Variants in DNAAF9 observed in about 807,000 individuals in gnomAD.
DNAAF9 encodes dynein axonemal assembly factor 9, also known as shulin.
A neutral mutation model predicts 167.0 loss-of-function variants in DNAAF9; 90 were observed. The observed-to-expected ratio is 0.54, with a 90% CI of 0.45 to 0.64. DNAAF9 has a LOEUF of 0.64. Ranked by LOEUF, DNAAF9 falls within the 30% of genes least tolerant of loss-of-function variation. The pLI is 0.00. For missense variants in DNAAF9, 1,315 were observed against 1,442.2 expected, an observed-to-expected ratio of 0.91 and a Z score of 1.43; for synonymous variants, 491 against 508.8, an observed-to-expected ratio of 0.96 and a Z score of 0.47.
rs2084042099 is a variant in DNAAF9, at chr20:3,405,429, GT to G, written c.83+2045del. ...GTGCTAGTAACATTCAATGTCAAGA[GT>G]AAGGGAAAGGCTTGAATGGGCAAGA... is the stretch of plus-strand genomic sequence containing the variant. On this transcript the variant is annotated intron_variant, in intron 1 of 36. Coordinates refer to ENST00000252032, the MANE Select transcript of DNAAF9 (RefSeq NM_001009984.3). Among the ~76,000 whole-genome samples, 6 of 152,212 alleles carry G rather than the reference GT, an allele frequency of 3.9e-5. No individual in the cohort carries two copies. In the South Asian group the frequency reaches 1.2e-3, roughly 32 times the overall value.
Position 3,252,510 on chromosome 20 carries a change from A to G in DNAAF9, c.*62T>C. On this transcript the variant is annotated 3_prime_UTR_variant, in exon 37 of 37. Transcript: ENST00000252032. ...GAGGCCTCCAGCAGAGCTGAGGTTA[A>G]GACACCCGTTCGTCCATCTCCAAGG... 1 of 905,922 alleles carries G rather than the reference A, an allele frequency of 1.1e-6. No individual in the cohort carries two copies. The highest frequency in any genetic ancestry group is 1.9e-6 in the Non-Finnish European group (1 of 537,180). 56.1% of individuals were successfully genotyped at this position (905,922 alleles called of 1,614,324 possible).
chr20:3,368,637 C>T (rs918084317), intron 6 of DNAAF9, among the ~76,000 whole-genome samples: 4 of 151,680 alleles, frequency 2.6e-5, no homozygotes, highest in Admixed American at 6.6e-5. Flanking sequence ...CTCAGCCTCC[C>T]GAGTAGCTGG....
At position 3,332,356 on chromosome 20, in the gene DNAAF9, G is replaced by T; in HGVS notation, c.987C>A (p.Ala329=). 6.3e-7 allele frequency: 1 copy of T among 1,589,648 alleles called. No homozygotes were observed. The highest frequency in any genetic ancestry group is 8.6e-7 in the Non-Finnish European group (1 of 1,158,332). Residue 329 remains alanine (A), a synonymous_variant, in exon 11 of 37, where the codon GCC becomes GCA. Coordinates refer to ENST00000252032, the MANE Select transcript of DNAAF9 (RefSeq NM_001009984.3). The part of the protein sequence containing the change: ...PGGSFAKHMV[A]QCVSPKGPLA... ...GAGGTCCCTTTGGTGAGACACACTG[G>T]GCTACCTGGATGTCAGAAAAAAATA...
At chr20:3,365,731 T>A (rs2083425495) in intron 6 of DNAAF9, among the ~76,000 whole-genome samples, 1 of 152,170 alleles carries the variant, frequency 6.6e-6, no homozygotes, top group South Asian at 2.1e-4. Context: ...TTTTCAAAAT[T>A]AGAGTCAATT....
chr20:3,326,184 G>A lies in DNAAF9; in HGVS notation c.1188+13C>T, dbSNP rs771177999. On this transcript the variant is annotated intron_variant, in intron 13 of 36. Transcript: ENST00000252032. ...TAATAATTACAGAAAGGGAAACATG[G>A]TATTTAAATTACCTTTGTTAGACTG... 2 of 1,506,732 alleles carry A rather than the reference G, an allele frequency of 1.3e-6. No individual in the cohort carries two copies. Among genetic ancestry groups the A allele is most frequent in the Non-Finnish European group, 1.8e-6 (2 of 1,083,220 alleles). The allele number at this position is 1,506,732 out of a possible 1,614,324, so 93.3% of individuals were successfully genotyped here.
At position 3,376,332 on chromosome 20, in the gene DNAAF9, A is replaced by G. The variant is rs1305696760; in HGVS notation, c.284-30T>C. Reference sequence around the variant, plus strand: ...AAGAAAAACAAAATCAAAACACAAGACTGTCAAACACATTTCTTTTAGATA... The same window carrying G: ...AAGAAAAACAAAATCAAAACACAAGGCTGTCAAACACATTTCTTTTAGATA... On this transcript the variant is annotated intron_variant, in intron 3 of 36. Coordinates refer to ENST00000252032, the MANE Select transcript of DNAAF9 (RefSeq NM_001009984.3). 5 of 1,546,232 alleles carry G rather than the reference A, an allele frequency of 3.2e-6. No homozygotes were observed. In the African/African-American group the frequency reaches 6.9e-5, roughly 21 times the overall value.
intron 6 of DNAAF9, among the ~76,000 whole-genome samples, chr20:3,361,465 C>A (rs116613221): frequency 3.9e-5 from 6 of 152,102 alleles, no homozygotes; most frequent in African/African-American, 1.4e-4. Context: ...CCAGGCTAGA[C>A]GGCTGTTGTT....
At chr20:3,402,504 T>C (rs557886834) in intron 1 of DNAAF9, among the ~76,000 whole-genome samples, 2 of 152,124 alleles carry the variant, frequency 1.3e-5, no homozygotes, top group South Asian at 4.1e-4. Context: ...AAATTATATA[T>C]CCTTCAATCA....
chr20:3,301,157 G>A (rs2069179689), intron 21 of DNAAF9, among the ~76,000 whole-genome samples: 1 of 148,814 alleles, frequency 6.7e-6, no homozygotes, highest in East Asian at 2.0e-4. Flanking sequence ...TGCGACTTCA[G>A]GTATACACCA....
At chr20:3,369,521 C>T (rs1020582615) in intron 6 of DNAAF9, among the ~76,000 whole-genome samples, 13 of 151,814 alleles carry the variant, frequency 8.6e-5, no homozygotes, top group African/African-American at 2.4e-4. Flanking sequence ...GGACTACAGG[C>T]GTGTGCCACC....
At chr20:3,375,743 G>A (rs1600885413) in intron 4 of DNAAF9, among the ~76,000 whole-genome samples, 1 of 152,156 alleles carries the variant, frequency 6.6e-6, no homozygotes, top group East Asian at 1.9e-4. Context: ...AGCTACTCGG[G>A]AGGCTGAGAC....
At chr20:3,284,976 C>T (rs1477034512) in intron 27 of DNAAF9, among the ~76,000 whole-genome samples, 1 of 152,106 alleles carries the variant, frequency 6.6e-6, no homozygotes, top group Non-Finnish European at 1.5e-5. Context: ...CACAAGGATC[C>T]CTTGTGTTGC....
At chr20:3,290,839 A>G (rs1355145132) in intron 25 of DNAAF9, among the ~76,000 whole-genome samples, 1 of 150,572 alleles carries the variant, frequency 6.6e-6, no homozygotes, top group Non-Finnish European at 1.5e-5. Flanking sequence ...CCCAGGCTGA[A>G]GTGCTGTGGT....
intron 6 of DNAAF9, among the ~76,000 whole-genome samples, chr20:3,363,387 C>T (rs2083389354): frequency 6.6e-6 from 1 of 151,364 alleles, no homozygotes; most frequent in African/African-American, 2.4e-5. Context: ...TCACTTGAAC[C>T]CAGGAGGCAG....
At chr20:3,330,755 G>T in intron 11 of DNAAF9, 73 bp from the exon 12 acceptor site, 10 of 824,694 alleles carry the variant, frequency 1.2e-5, no homozygotes, top group South Asian at 5.1e-5. Context: ...AGCTAGAAAT[G>T]CTTAATTTAC....
chr20:3,298,536 T>C (rs2069124372), intron 21 of DNAAF9, among the ~76,000 whole-genome samples: 1 of 152,074 alleles, frequency 6.6e-6, no homozygotes, highest in Admixed American at 6.6e-5. Context: ...CCCAGGCTGG[T>C]CTCAAACTCC....
At chr20:3,364,034 G>A (rs1200586497) in intron 6 of DNAAF9, among the ~76,000 whole-genome samples, 1 of 152,080 alleles carries the variant, frequency 6.6e-6, no homozygotes, top group Non-Finnish European at 1.5e-5. Context: ...ACTCTTGGGT[G>A]CAAGTGATCC....
chr20:3,376,414 A>G, intron 3 of DNAAF9, 112 bp from the exon 4 acceptor site: 1 of 834,098 alleles, frequency 1.2e-6, no homozygotes, highest in African/African-American at 1.7e-5. Context: ...CAATGTAACA[A>G]AACTCTAAAC....
At chr20:3,326,008 A>C (rs1330031005) in intron 13 of DNAAF9, among the ~76,000 whole-genome samples, 189 bp downstream of exon 13, 1 of 152,212 alleles carries the variant, frequency 6.6e-6, no homozygotes, top group African/African-American at 2.4e-5. Flanking sequence ...TGTCATCCAT[A>C]AGACAACAGC....
Sources: allele counts gnomAD v4.1 joint callset (sites outside exome capture counted in the v4.1 genomes callset), GRCh38; gene constraint gnomAD v4.1.1; transcripts MANE v1.5; gene names NCBI Gene and HGNC (gene_info 2026-07-23, HGNC 2026-07-21).